KIAA1549: variants seen among roughly 807,000 people sequenced by gnomAD.
The protein encoded by KIAA1549 is UPF0606 protein KIAA1549.
In KIAA1549, 70 loss-of-function variants were observed where a neutral mutation model predicts 156.4. The observed-to-expected ratio is 0.45, with a 90% CI of 0.37 to 0.55. KIAA1549 has a LOEUF of 0.55. Among genes scored for constraint, KIAA1549 ranks in the 20% least tolerant of loss-of-function variants. The pLI, the probability that KIAA1549 is intolerant of heterozygous loss-of-function variation, is 0.00. For missense variants in KIAA1549, 2,428 were observed against 2,540.9 expected (o/e 0.96, Z 0.96); for synonymous variants, 1,103 against 1,066.4 (o/e 1.03, Z -0.67).
At chr7:138,926,477 G>GT (rs1812723600) in intron 1 of KIAA1549, among the ~76,000 whole-genome samples, 2 of 151,862 alleles carry the variant, frequency 1.3e-5, no homozygotes, top group South Asian at 4.2e-4. Context: ...TAGACATGGG[G>GT]TTTCACCATG....
At chr7:138,866,009 G>A (rs1485966963) in intron 15 of KIAA1549, among the ~76,000 whole-genome samples, 1 of 152,084 alleles carries the variant, frequency 6.6e-6, no homozygotes, top group Admixed American at 6.6e-5. Flanking sequence ...ACCCTGGGGA[G>A]CCCTCCCCAG....
chr7:138,919,564 C>A, intron 1 of KIAA1549, 126 bp from the exon 2 acceptor site: 1 of 1,457,436 alleles, frequency 6.9e-7, no homozygotes. Context: ...CATGAATCAC[C>A]GTCAGAAGTT....
chr7:138,855,105 A>C (rs759298544), intron 16 of KIAA1549, among the ~76,000 whole-genome samples: 23 of 152,270 alleles, frequency 1.5e-4, no homozygotes, highest in Middle Eastern at 3.4e-3. Flanking sequence ...GTCAGGGTGA[A>C]GGGGAGGGAG....
At position 138,928,731 on chromosome 7, in the gene KIAA1549, A is replaced by C. The variant is rs116082019; in HGVS notation, c.188-9293T>G. ...AAAAGTTATGTTTATACCATACTGT[A>C]GTCTATTAAGTACACAATAGCATTA... On this transcript the variant is annotated intron_variant, in intron 1 of 19. Coordinates refer to ENST00000422774, the MANE Select transcript of KIAA1549 (RefSeq NM_001164665.2). Among the ~76,000 whole-genome samples the C allele has an allele frequency of 8.2e-3, 1,253 of 152,340 alleles. 22 individuals carry two copies. The highest frequency in any genetic ancestry group is 0.029 in the African/African-American group (1,208 of 41,572).
At chr7:138,858,773 C>T (rs924127495) in intron 16 of KIAA1549, among the ~76,000 whole-genome samples, 2 of 151,986 alleles carry the variant, frequency 1.3e-5, no homozygotes, top group Admixed American at 1.3e-4. Context: ...TTTGGGAGGC[C>T]GAGGCAGGCA....
chr7:138,904,964 C>T (rs1037707548), intron 7 of KIAA1549, 58 bp downstream of exon 7: 23 of 1,048,954 alleles, frequency 2.2e-5, no homozygotes, highest in South Asian at 1.3e-4. Flanking sequence ...ATTCTCAATA[C>T]GCCTGCATAG....
At position 138,911,126 on chromosome 7, in the gene KIAA1549, A is replaced by C; in HGVS notation, c.3145+20T>G. The C allele has an allele frequency of 6.8e-7, 1 of 1,464,804 alleles. No homozygotes were observed. Among genetic ancestry groups the C allele is most frequent in the Non-Finnish European group, 9.1e-7 (1 of 1,098,754 alleles). 90.7% of individuals were successfully genotyped at this position (1,464,804 alleles called of 1,614,324 possible). On this transcript the variant is annotated intron_variant, in intron 4 of 19. Transcript: ENST00000422774. ...GAAATTCTTTTTACAAATAAAAACAACTATGCTGAGCTGTCTCACCTGTTT... is the reference window on the plus strand; with the variant it reads ...GAAATTCTTTTTACAAATAAAAACACCTATGCTGAGCTGTCTCACCTGTTT...
At chr7:138,915,675 C>T (rs944229080) in intron 2 of KIAA1549, among the ~76,000 whole-genome samples, 5 of 152,008 alleles carry the variant, frequency 3.3e-5, no homozygotes, top group Admixed American at 6.6e-5. Flanking sequence ...CTCTCCTTCC[C>T]GGTCCACTCC....
intron 11 of KIAA1549, 99 bp downstream of exon 11, chr7:138,881,289 G>T: frequency 1.6e-6 from 2 of 1,217,346 alleles, no homozygotes; most frequent in South Asian, 1.5e-5. Context: ...CACATGCAGG[G>T]CTGCGCTCAC....
At chr7:138,940,591 G>C (rs201966270) in intron 1 of KIAA1549, among the ~76,000 whole-genome samples, 13,413 of 150,794 alleles carry the variant, frequency 0.089, 822 homozygotes, top group African/African-American at 0.17. Context: ...AATCGCTACA[G>C]TGACTTCCAC....
intron 1 of KIAA1549, among the ~76,000 whole-genome samples, chr7:138,971,551 C>G (rs4321935): frequency 0.015 from 2,308 of 152,200 alleles, 53 homozygotes; most frequent in African/African-American, 0.053. Context: ...CTCCCTCTTC[C>G]TACGTTATTT....
chr7:138,874,118 T>C lies in KIAA1549; in HGVS notation c.4346-2756A>G, dbSNP rs868292554. ...AATATAATTATATAATATATATTAT[T>C]GTTTGCTATGCATTGCACAATTTTT... On this transcript the variant is annotated intron_variant, in intron 12 of 19. Coordinates refer to ENST00000422774, the MANE Select transcript of KIAA1549 (RefSeq NM_001164665.2). Among the ~76,000 whole-genome samples, 7 of 149,070 alleles carry C rather than the reference T, an allele frequency of 4.7e-5. No individual in the cohort carries two copies. The Admixed American group carries it at 4.7e-4, about 10-fold the overall frequency.
chr7:138,923,438 T>C (rs558952282), intron 1 of KIAA1549, among the ~76,000 whole-genome samples: 13 of 152,126 alleles, frequency 8.5e-5, no homozygotes, highest in South Asian at 6.2e-4. Flanking sequence ...CTGTCTCTAC[T>C]AAAAATAAAA....
intron 10 of KIAA1549, among the ~76,000 whole-genome samples, chr7:138,893,104 T>C (rs959144582): frequency 1.1e-4 from 16 of 152,238 alleles, no homozygotes; most frequent in Non-Finnish European, 2.4e-4. Flanking sequence ...CAAAAGTCAA[T>C]GTCTTTGCTC....
At chr7:138,888,836 TA>T (rs1415224884) in intron 10 of KIAA1549, among the ~76,000 whole-genome samples, 1 of 152,274 alleles carries the variant, frequency 6.6e-6, no homozygotes, top group African/African-American at 2.4e-5. Flanking sequence ...CTAATCCATC[TA>T]TATAATTCTC....
chr7:138,918,685 A>T lies in KIAA1549; in HGVS notation c.941T>A (p.Val314Asp). The T allele has an allele frequency of 6.2e-7, 1 of 1,613,660 alleles. No individual in the cohort carries two copies. Among genetic ancestry groups the T allele is most frequent in the African/African-American group, 1.3e-5 (1 of 74,962 alleles). Residue 314 changes from valine to aspartate, a missense_variant, in exon 2 of 20, where the codon GTT (valine) becomes GAT (aspartate). This residue lies in a region of KIAA1549 where 893 missense variants were observed against 847.9 expected (regional missense o/e 1.05). Transcript: ENST00000422774. This position sits in a 1 kb window ranked among gnomAD's most constrained non-coding sequence, Gnocchi z 4.2. ...GTATCTGTCTGCACTTGTGGCCCAA[A>T]CCTCCTCTGGAGGCTGTGAGACCTC... Reference protein sequence around the residue: ...LGEVSQPPEEVWATSADRYTD... With the variant: ...LGEVSQPPEEDWATSADRYTD...
At chr7:138,957,459 C>CCTTCTTCTT (rs57229286) in intron 1 of KIAA1549, among the ~76,000 whole-genome samples, 128 of 125,276 alleles carry the variant, frequency 1.0e-3, no homozygotes, top group African/African-American at 3.1e-3. Context: ...CCCTCCTTCT[C>CCTTCTTCTT]CTTCTTCTTC....
At chr7:138,895,926 C>T (rs1811671451) in intron 9 of KIAA1549, among the ~76,000 whole-genome samples, 1 of 152,060 alleles carries the variant, frequency 6.6e-6, no homozygotes, top group Non-Finnish European at 1.5e-5. Context: ...CGAAGCATAT[C>T]TTACTCATTT....
At chr7:138,913,749 C>T (rs1812234604) in intron 2 of KIAA1549, among the ~76,000 whole-genome samples, 2 of 152,070 alleles carry the variant, frequency 1.3e-5, no homozygotes, top group Admixed American at 1.3e-4. Flanking sequence ...AACCACCTTG[C>T]TGAGTCACAC....
Sources: gnomAD v4.1 joint callset for allele counts (sites outside exome capture counted in the v4.1 genomes callset) on GRCh38, gnomAD v4.1.1 for gene constraint, gnomAD v4.1.1 regional missense constraint, Gnocchi (gnomAD v3.1) non-coding constraint, MANE v1.5 for transcripts, NCBI Gene and HGNC (gene_info 2026-07-23, HGNC 2026-07-21) for gene names.